MTAP: variants seen among roughly 807,000 people sequenced by gnomAD.
MTAP encodes S-methyl-5'-thioadenosine phosphorylase.
Under a neutral mutation model 33.6 loss-of-function variants are expected in MTAP, and 33 were observed. The ratio of observed to expected loss-of-function variants is 0.98; its 90% CI spans 0.74 to 1.31. The LOEUF is 1.31. Ranked by LOEUF, MTAP falls within the 40% of genes most tolerant of loss-of-function variation. The pLI, the probability that MTAP is intolerant of heterozygous loss-of-function variation, is 0.00. For missense variants in MTAP, 367 were observed against 360.0 expected, an observed-to-expected ratio of 1.02 and a Z score of -0.16; for synonymous variants, 148 against 125.7, an observed-to-expected ratio of 1.18 and a Z score of -1.19.
At chr9:21,925,586 A>C (rs1030364335) in intron 1 of MTAP, among the ~76,000 whole-genome samples, 1 of 152,230 alleles carries the variant, frequency 6.6e-6, no homozygotes, top group African/African-American at 2.4e-5. Context: ...TGGGAAGCCA[A>C]GACACTGGAA....
chr9:21,888,343 T>C (rs1221502545), intron 1 of MTAP, among the ~76,000 whole-genome samples: 1 of 152,188 alleles, frequency 6.6e-6, no homozygotes, highest in Non-Finnish European at 1.5e-5. Context: ...CCATTTGTTC[T>C]AGGGTATAGT....
At chr9:21,903,623 G>C (rs1818425715) in intron 1 of MTAP, among the ~76,000 whole-genome samples, 1 of 152,026 alleles carries the variant, frequency 6.6e-6, no homozygotes, top group Non-Finnish European at 1.5e-5. Context: ...ATCCTTTTCA[G>C]CTTCTCACAT....
rs1554647840 is a variant in MTAP at position 21,894,751 on chromosome 9, A to AT, written c.148-36257_148-36256insT. On this transcript the variant is annotated intron_variant, in intron 1 of 1. Coordinates refer to the MTAP transcript ENST00000577563. The stretch of plus-strand genomic sequence containing the variant: ...CCTAGAACTCAAAGTGTAATTAAAA[A>AT]ATATATATATATAAAAGAAAACTCC... 4.1e-3 allele frequency among the ~76,000 whole-genome samples: 626 copies of AT among 151,746 alleles called. 6 individuals are homozygous for AT. Among genetic ancestry groups the AT allele is most frequent in the African/African-American group, 0.013 (541 of 41,420 alleles).
intron 1 of MTAP, among the ~76,000 whole-genome samples, chr9:21,923,739 T>C (rs541708931): frequency 1.3e-5 from 2 of 152,224 alleles, no homozygotes; most frequent in East Asian, 3.9e-4. Context: ...GGGAGGGAAG[T>C]GCAGCCTCTT....
At chr9:21,941,086 T>C, downstream of MTAP, 3 of 816,854 alleles carry the variant, frequency 3.7e-6, no homozygotes, top group Non-Finnish European at 4.4e-6. Flanking sequence ...TTACTTAAAA[T>C]TTAAATTAAA....
In MTAP at chr9:21,854,821, G is replaced by T; in HGVS notation, c.641G>T (p.Ser214Ile). 6.2e-7 allele frequency: 1 copy of T among 1,614,180 alleles called. No homozygotes were observed. The highest frequency in any genetic ancestry group is 8.5e-7 in the Non-Finnish European group (1 of 1,179,994). Residue 214 changes from serine to isoleucine, a missense_variant, in exon 6 of 8, where the codon AGT becomes ATT. Transcript: ENST00000644715. ...LAKEAGICYA[S>I]IAMATDYDCW... ...AAGGAGGCTGGAATTTGTTACGCAA[G>T]TATCGCCATGGCGACAGATTATGAC...
intron 1 of MTAP, among the ~76,000 whole-genome samples, chr9:21,883,733 GT>G (rs1818055586): frequency 1.3e-5 from 2 of 151,384 alleles, no homozygotes; most frequent in Non-Finnish European, 2.9e-5. Flanking sequence ...GTGGTCTGGA[GT>G]TTCTGAGCAA....
At chr9:21,824,852 G>A (rs1422026511) in intron 4 of MTAP, among the ~76,000 whole-genome samples, 1 of 152,148 alleles carries the variant, frequency 6.6e-6, no homozygotes, top group Non-Finnish European at 1.5e-5. Context: ...ATCTCAGGCT[G>A]CTGTGCTAGC....
intron 6 of MTAP, 137 bp from the exon 7 acceptor site, chr9:21,859,166 G>A (rs749743059): frequency 8.0e-5 from 103 of 1,291,674 alleles, no homozygotes; most frequent in Non-Finnish European, 7.3e-5. Context: ...ACCCTACATT[G>A]AGGATTCGGT....
At chr9:21,842,438 A>G (rs1825270322) in intron 5 of MTAP, among the ~76,000 whole-genome samples, 1 of 152,232 alleles carries the variant, frequency 6.6e-6, no homozygotes, top group South Asian at 2.1e-4. Context: ...AAAGATGATC[A>G]GCTAGGCACA....
intron 5 of MTAP, among the ~76,000 whole-genome samples, chr9:21,845,083 A>G (rs1825346185): frequency 6.6e-6 from 1 of 152,146 alleles, no homozygotes. Flanking sequence ...GTTATATTGA[A>G]CAGGGAAAAG....
intron 1 of MTAP, among the ~76,000 whole-genome samples, chr9:21,804,743 C>G (rs1042361425): frequency 4.6e-5 from 7 of 152,178 alleles, no homozygotes; most frequent in Admixed American, 4.6e-4. Flanking sequence ...TCCTTCAAGA[C>G]CATCCATATA....
At chr9:21,931,081 G>T in exon 2 of MTAP, 1 of 764,166 alleles carries the variant, frequency 1.3e-6, no homozygotes, top group Non-Finnish European at 2.4e-6. Context: ...TTCTACAGAG[G>T]ACTCCTAGAC....
At position 21,818,317 on chromosome 9, in the gene MTAP, C is replaced by CTTTTTT. The variant is rs35709813; in HGVS notation, c.347+137_347+142dup. 5.1e-4 allele frequency: 124 copies of CTTTTTT among 240,868 alleles called. 14 individuals carry two copies. The highest frequency in any genetic ancestry group is 5.8e-4 in the Non-Finnish European group (82 of 140,786). 14.9% of individuals were successfully genotyped at this position (240,868 alleles called of 1,614,324 possible). On this transcript the variant is annotated intron_variant, in intron 4 of 7. Transcript: ENST00000644715. ...GAGGGCAGTGCCACAGACTCGCTTG[C>CTTTTTT]TTTTTTTTTTTTTTTTTTTTTTTTT...
chr9:21,848,685 A>T (rs1481244209), intron 5 of MTAP, among the ~76,000 whole-genome samples: 2 of 152,148 alleles, frequency 1.3e-5, no homozygotes, highest in Non-Finnish European at 2.9e-5. Flanking sequence ...CCCTTGACCA[A>T]TGCCTTGCAA....
intron 1 of MTAP, among the ~76,000 whole-genome samples, chr9:21,894,181 C>G (rs949962878): frequency 7.1e-6 from 1 of 140,886 alleles, no homozygotes; most frequent in African/African-American, 2.7e-5. Context: ...GCAGAAAAGA[C>G]TTTTGATAAA....
chr9:21,844,457 G>A (rs1223929959), intron 5 of MTAP, among the ~76,000 whole-genome samples: 1 of 152,182 alleles, frequency 6.6e-6, no homozygotes, highest in African/African-American at 2.4e-5. Flanking sequence ...TATCCCTGAT[G>A]TACGTAGATG....
At chr9:21,853,774 T>C (rs1210909086) in intron 5 of MTAP, among the ~76,000 whole-genome samples, 1 of 152,226 alleles carries the variant, frequency 6.6e-6, no homozygotes, top group Non-Finnish European at 1.5e-5. Context: ...AATTGAATTA[T>C]GCGATATCAT....
At chr9:21,843,402 A>G (rs1825300703) in intron 5 of MTAP, among the ~76,000 whole-genome samples, 1 of 152,192 alleles carries the variant, frequency 6.6e-6, no homozygotes, top group Admixed American at 6.5e-5. Context: ...ACTATAACCT[A>G]GAACAAATGG....
Sources: gnomAD v4.1 joint callset for allele counts (sites outside exome capture counted in the v4.1 genomes callset) on GRCh38, gnomAD v4.1.1 for gene constraint, MANE v1.5 for transcripts, NCBI Gene and HGNC (gene_info 2026-07-23, HGNC 2026-07-21) for gene names.